Variants in RBBP5 observed in about 807,000 individuals in gnomAD.
The protein encoded by RBBP5 is retinoblastoma-binding protein 5.
In RBBP5, 5 loss-of-function variants were observed where a neutral mutation model predicts 72.2. The observed-to-expected ratio is 0.07, with a 90% CI of 0.04 to 0.15. The LOEUF (loss-of-function observed/expected upper bound fraction) is 0.15. RBBP5 is among the 10% of genes least tolerant of loss of function. The pLI is 1.00. For synonymous variants in RBBP5, 209 were observed against 237.2 expected (o/e 0.88, Z 1.09); for missense variants, 322 against 652.2 (o/e 0.49, Z 5.51).
chr1:205,104,231 A>G (rs939348714), intron 4 of RBBP5, among the ~76,000 whole-genome samples: 1 of 152,216 alleles, frequency 6.6e-6, no homozygotes, highest in African/African-American at 2.4e-5. Flanking sequence ...TCATTAAAAA[A>G]AAGTAAGAGG....
chr1:205,099,741 T>C lies in RBBP5; in HGVS notation c.978A>G (p.Val326=). Residue 326 remains valine, a splice_region_variant and synonymous_variant, in exon 9 of 14, where the codon GTA becomes GTG. Transcript: ENST00000264515. The surrounding 1 kb of genome is among the most constrained non-coding windows in gnomAD (Gnocchi z 4.7). ...GVVSIWAQNQ[V]ENWSAFAPDF... ...GAAGCAAGTAAAATAGAATACTTAC[T>C]ACTTGATTCTGTGCCCAGATAGATA... The C allele has an allele frequency of 6.2e-7, 1 of 1,607,230 alleles. No homozygotes were observed. Among genetic ancestry groups the C allele is most frequent in the Non-Finnish European group, 8.5e-7 (1 of 1,173,760 alleles).
chr1:205,115,102 A>G (rs1452024971), intron 2 of RBBP5, 141 bp from the exon 3 acceptor site: 1 of 823,852 alleles, frequency 1.2e-6, no homozygotes, highest in South Asian at 1.8e-5. Context: ...GTGTCTTCTT[A>G]TATCTATTAA....
chr1:205,104,858 G>T (rs933728564), intron 4 of RBBP5, among the ~76,000 whole-genome samples, 170 bp downstream of exon 4: 70 of 151,988 alleles, frequency 4.6e-4, no homozygotes, highest in Non-Finnish European at 1.5e-5. Context: ...AAGAAAGAAA[G>T]AAAGAAATGT....
Position 205,110,021 on chromosome 1 carries a change from A to C in RBBP5, c.218+4768T>G, listed in dbSNP as rs545529097. Among the ~76,000 whole-genome samples, 6 of 150,586 alleles carry C rather than the reference A, an allele frequency of 4.0e-5. 1 individual carries two copies. The South Asian group carries it at 1.3e-3, about 32-fold the overall frequency. On this transcript the variant is annotated intron_variant, in intron 3 of 13. Transcript: ENST00000264515. ...AGCTAACTTCTGTTCACTACCTACT[A>C]GTTCTGTTTTGTTTTTTGGGTTTTT... is the stretch of plus-strand genomic sequence containing the variant.
At position 205,088,750 on chromosome 1, in the gene RBBP5, T is replaced by A. The variant is rs777352467; in HGVS notation, c.*37A>T. ...ACCACAGTGTCCAGAGGCCACATGA[T>A]GGCAAAGTGAGAAAGAATGAAGAAC... On this transcript the variant is annotated 3_prime_UTR_variant, in exon 14 of 14. Coordinates refer to ENST00000264515, the MANE Select transcript of RBBP5 (RefSeq NM_005057.4). The A allele has an allele frequency of 2.0e-5, 32 of 1,572,636 alleles. No individual in the cohort carries two copies.
At chr1:205,119,985 CT>C (rs1558584629) in intron 1 of RBBP5, among the ~76,000 whole-genome samples, 1 of 152,074 alleles carries the variant, frequency 6.6e-6, no homozygotes, top group Non-Finnish European at 1.5e-5. Flanking sequence ...CTCCTGACCC[CT>C]AGACCACATT....
chr1:205,116,914 C>A (rs542137666), intron 1 of RBBP5, among the ~76,000 whole-genome samples: 2 of 152,310 alleles, frequency 1.3e-5, no homozygotes, highest in South Asian at 4.1e-4. Flanking sequence ...ACAAAAGCAG[C>A]GATCACACCC....
chr1:205,110,098 G>GC (rs1268777123), intron 3 of RBBP5, among the ~76,000 whole-genome samples: 7 of 151,538 alleles, frequency 4.6e-5, no homozygotes, highest in Non-Finnish European at 2.9e-5. Context: ...CCGGCTCACC[G>GC]CAACCTCCAT....
chr1:205,102,088 G>T (rs2102288195), intron 5 of RBBP5, among the ~76,000 whole-genome samples: 1 of 152,098 alleles, frequency 6.6e-6, no homozygotes, highest in South Asian at 2.1e-4. Context: ...TAGAGACAGG[G>T]TTTCTTCATG....
intron 13 of RBBP5, among the ~76,000 whole-genome samples, chr1:205,093,589 CACAA>C: frequency 7.2e-6 from 1 of 138,634 alleles, no homozygotes; most frequent in South Asian, 2.4e-4. Context: ...TGTATATATA[CACAA>C]ACACAGCCTT....
At chr1:205,101,784 A>G in intron 5 of RBBP5, 75 bp from the exon 6 acceptor site, 1 of 1,079,740 alleles carries the variant, frequency 9.3e-7, no homozygotes, top group Non-Finnish European at 1.4e-6. Context: ...TGTTTCTAAT[A>G]CTGCGTAAAG....
Position 205,096,888 on chromosome 1 carries a change from T to C in RBBP5, c.1190A>G (p.Lys397Arg), listed in dbSNP as rs750485690. Residue 397 changes from lysine (K) to arginine (R), a missense_variant, in exon 12 of 14, where the codon AAG becomes AGG. By Grantham distance (26) the Lys-to-Arg change is conservative (BLOSUM62 2). Coordinates refer to ENST00000264515, the MANE Select transcript of RBBP5 (RefSeq NM_005057.4). ...CSSDEELEDS[K>R]ALLYLPIAPE... ...GGCAATGGGTAAATACAATAGAGCC[T>C]TTGAATCTTCCAGCTCTTCATCACT... 2 of 1,602,286 alleles carry C rather than the reference T, an allele frequency of 1.2e-6. No homozygotes were observed. Among genetic ancestry groups the C allele is most frequent in the South Asian group, 2.2e-5 (2 of 89,352 alleles).
At chr1:205,103,223 CAAAA>C (rs35295093) in intron 5 of RBBP5, among the ~76,000 whole-genome samples, 5 of 91,370 alleles carry the variant, frequency 5.5e-5, no homozygotes, top group African/African-American at 4.3e-5. Context: ...GACTCCATCT[CAAAA>C]AAAAAAAAAA....
intron 6 of RBBP5, among the ~76,000 whole-genome samples, chr1:205,100,885 T>G (rs1475484717): frequency 6.6e-6 from 1 of 152,250 alleles, no homozygotes; most frequent in Non-Finnish European, 1.5e-5. Context: ...AGGATGATAC[T>G]GTTCCACCTC....
chr1:205,096,893 A>C lies in RBBP5; in HGVS notation c.1185T>G (p.Asp395Glu). The change falls in exon 12 of 14, where the codon GAT becomes GAG. Residue 395 changes from aspartate to glutamate, a missense_variant. Asp to Glu is a conservative substitution (Grantham distance 45, BLOSUM62 2). Transcript: ENST00000264515. ...AFCSSDEELE[D>E]SKALLYLPIA... The stretch of plus-strand genomic sequence containing the variant: ...TGGGTAAATACAATAGAGCCTTTGA[A>C]TCTTCCAGCTCTTCATCACTATTTG... 6.2e-7 allele frequency: 1 copy of C among 1,600,854 alleles called. No homozygotes were observed. Among genetic ancestry groups the C allele is most frequent in the Non-Finnish European group, 8.5e-7 (1 of 1,174,310 alleles).
At position 205,099,211 on chromosome 1, in the gene RBBP5, CTTAGA is replaced by C. The variant is rs1371199351; in HGVS notation, c.979-110_979-106del. Reference sequence around the variant, plus strand: ...GTGAGCATGAAAGGAATTCACAATTCTTAGATTAAATTTGGCAGACAAGAAAAAAA... The same window carrying C: ...GTGAGCATGAAAGGAATTCACAATTCTTAAATTTGGCAGACAAGAAAAAAA... On this transcript the variant is annotated intron_variant, in intron 9 of 13. Coordinates refer to ENST00000264515, the MANE Select transcript of RBBP5 (RefSeq NM_005057.4). The surrounding 1 kb of genome is among the most constrained non-coding windows in gnomAD (Gnocchi z 4.7). The C allele has an allele frequency of 1.3e-5, 9 of 709,462 alleles. No homozygotes were observed. In the East Asian group the frequency reaches 1.8e-4, roughly 14 times the overall value. 43.9% of individuals were successfully genotyped at this position (709,462 alleles called of 1,614,324 possible).
intron 5 of RBBP5, 26 bp downstream of exon 5, chr1:205,103,831 C>T (rs1273704875): frequency 6.2e-7 from 1 of 1,601,344 alleles, no homozygotes. Flanking sequence ...GTACAAGATG[C>T]CTGATTTGCC....
chr1:205,093,476 AAAAATATATATATATATATAT>A (rs1655450082), intron 13 of RBBP5, among the ~76,000 whole-genome samples: 2 of 6,936 alleles, frequency 2.9e-4, no homozygotes, highest in African/African-American at 6.7e-4. Context: ...AAAAAAAAAA[AAAAATATATATATATATATAT>A]ATATATATAT....
At chr1:205,094,267 T>C (rs941589121) in intron 13 of RBBP5, among the ~76,000 whole-genome samples, 1 of 152,158 alleles carries the variant, frequency 6.6e-6, no homozygotes, top group Non-Finnish European at 1.5e-5. Context: ...TTTCAGATAT[T>C]GGAAAAAAAT....
Sources: allele counts gnomAD v4.1 joint callset (sites outside exome capture counted in the v4.1 genomes callset), GRCh38; gene constraint gnomAD v4.1.1; non-coding constraint Gnocchi (gnomAD v3.1); transcripts MANE v1.5; gene names NCBI Gene and HGNC (gene_info 2026-07-23, HGNC 2026-07-21).